Variants in DLC1 observed in about 807,000 individuals in gnomAD.
DLC1 encodes the protein rho GTPase-activating protein 7.
DLC1 carries 54 observed loss-of-function variants against 140.3 expected under a neutral mutation model. The ratio of observed to expected loss-of-function variants is 0.38; its 90% CI spans 0.31 to 0.48. The LOEUF is 0.48. DLC1 is among the 20% of genes least tolerant of loss of function. The pLI is 0.96. For synonymous variants in DLC1, 986 were observed against 728.1 expected (o/e 1.35, Z -5.70); for missense variants, 2,536 against 1,907.0 (o/e 1.33, Z -6.14).
At chr8:13,276,668 C>A (rs1362966121) in intron 5 of DLC1, 2 of 1,082,002 alleles carry the variant, frequency 1.8e-6, no homozygotes, top group Non-Finnish European at 1.1e-6. Flanking sequence ...GGAGGCGTCT[C>A]GCTTCCTGTG....
chr8:13,238,621 C>T (rs1352628486), intron 5 of DLC1, among the ~76,000 whole-genome samples: 1 of 152,134 alleles, frequency 6.6e-6, no homozygotes, highest in Non-Finnish European at 1.5e-5. Flanking sequence ...AAAAGGCCTC[C>T]CTTCCTTAAT....
chr8:13,568,165 C>T, intron 1 of DLC1: 5 of 531,188 alleles, frequency 9.4e-6, no homozygotes, highest in Non-Finnish European at 1.6e-5. Flanking sequence ...TAGTTTGGGC[C>T]AGGATGTTGA....
At chr8:13,260,552 A>C (rs1195924306) in intron 5 of DLC1, among the ~76,000 whole-genome samples, 1 of 152,112 alleles carries the variant, frequency 6.6e-6, no homozygotes, top group Non-Finnish European at 1.5e-5. Context: ...ATACCCATCT[A>C]CTGGAAAATG....
chr8:13,209,316 G>C (rs1016862679), intron 5 of DLC1, among the ~76,000 whole-genome samples: 1 of 151,964 alleles, frequency 6.6e-6, no homozygotes, highest in African/African-American at 2.4e-5. Context: ...TTCCAGTATT[G>C]CATATAATTT....
intron 1 of DLC1, among the ~76,000 whole-genome samples, chr8:13,563,175 C>G (rs1202235264): frequency 6.6e-6 from 1 of 152,114 alleles, no homozygotes; most frequent in Non-Finnish European, 1.5e-5. Flanking sequence ...CCTTTGAGGA[C>G]TACGTTAGCC....
intron 2 of DLC1, among the ~76,000 whole-genome samples, chr8:13,438,794 C>T (rs1272256486): frequency 6.6e-6 from 1 of 152,162 alleles, no homozygotes; most frequent in Non-Finnish European, 1.5e-5. Flanking sequence ...CGCCTCCTTT[C>T]CATGATTACT....
At chr8:13,114,097 C>G (rs117176622) in intron 6 of DLC1, among the ~76,000 whole-genome samples, 2,333 of 152,322 alleles carry the variant, frequency 0.015, 48 homozygotes, top group East Asian at 0.047. Flanking sequence ...CGTGGTTGCT[C>G]ATGTCTGTAA....
intron 1 of DLC1, among the ~76,000 whole-genome samples, chr8:13,552,891 T>C (rs1803913503): frequency 6.6e-6 from 1 of 151,934 alleles, no homozygotes; most frequent in Non-Finnish European, 1.5e-5. Flanking sequence ...AGAGCATTAA[T>C]ATGTATTTCA....
At chr8:13,394,682 T>C (rs774752085) in intron 3 of DLC1, among the ~76,000 whole-genome samples, 6 of 152,158 alleles carry the variant, frequency 3.9e-5, no homozygotes, top group Non-Finnish European at 8.8e-5. Flanking sequence ...GTGGTTCACA[T>C]GGTCAAATAT....
chr8:13,282,991 C>A (rs554598298), intron 5 of DLC1, among the ~76,000 whole-genome samples: 2 of 152,052 alleles, frequency 1.3e-5, no homozygotes, highest in Non-Finnish European at 2.9e-5. Context: ...TGGATTATAA[C>A]AATTATCAAC....
rs993286191 is a variant in DLC1, at chr8:13,477,798, C to T, written c.1023+21251G>A. On this transcript the variant is annotated intron_variant, in intron 2 of 17. Transcript: ENST00000276297. Reference sequence around the variant, plus strand: ...ATAGAGAAATCATATCCTAACCACCCAACCAATTTTCTTTAGTCATAACTA... The same window carrying T: ...ATAGAGAAATCATATCCTAACCACCTAACCAATTTTCTTTAGTCATAACTA... Among the ~76,000 whole-genome samples the T allele has an allele frequency of 2.0e-5, 3 of 151,920 alleles. No individual in the cohort carries two copies. The South Asian group carries it at 6.2e-4, about 32-fold the overall frequency.
chr8:13,561,956 T>G (rs1804258864), intron 1 of DLC1, among the ~76,000 whole-genome samples: 1 of 152,100 alleles, frequency 6.6e-6, no homozygotes, highest in Admixed American at 6.6e-5. Context: ...GATAATATGA[T>G]TATATATTTG....
chr8:13,420,538 C>G (rs1202274605), intron 2 of DLC1, among the ~76,000 whole-genome samples: 1 of 152,046 alleles, frequency 6.6e-6, no homozygotes, highest in Non-Finnish European at 1.5e-5. Context: ...AGGTATTTGT[C>G]CTAATGCTCT....
At chr8:13,364,344 G>A (rs1199161426) in intron 4 of DLC1, among the ~76,000 whole-genome samples, 2 of 149,668 alleles carry the variant, frequency 1.3e-5, no homozygotes, top group East Asian at 2.0e-4. Flanking sequence ...TGTTGCACAG[G>A]TTGGAGTGCA....
chr8:13,167,768 C>A (rs780544813), intron 5 of DLC1, among the ~76,000 whole-genome samples: 3 of 152,190 alleles, frequency 2.0e-5, no homozygotes, highest in Non-Finnish European at 2.9e-5. Context: ...TACAGTCTTG[C>A]AAATGGCATT....
chr8:13,140,476 G>A (rs1020207299), intron 5 of DLC1, among the ~76,000 whole-genome samples: 7 of 151,276 alleles, frequency 4.6e-5, no homozygotes, highest in African/African-American at 1.2e-4. Flanking sequence ...CAAGCGATTC[G>A]CCTGCCTCTG....
intron 1 of DLC1, chr8:13,558,616 C>T (rs1804137635): frequency 6.6e-6 from 1 of 152,148 alleles, no homozygotes; most frequent in South Asian, 2.1e-4. Context: ...GACACAAAAT[C>T]TAACCACAGT....
At chr8:13,184,494 T>C (rs780619596) in intron 5 of DLC1, among the ~76,000 whole-genome samples, 24 of 152,220 alleles carry the variant, frequency 1.6e-4, no homozygotes, top group Non-Finnish European at 3.4e-4. Context: ...TTCTGGTACA[T>C]TGTGTCTTTG....
intron 4 of DLC1, among the ~76,000 whole-genome samples, chr8:13,367,030 C>G (rs1835516632): frequency 6.6e-6 from 1 of 152,170 alleles, no homozygotes. Context: ...CTTTCCCTTT[C>G]CTCTCCATGT....
Sources: allele counts gnomAD v4.1 joint callset (sites outside exome capture counted in the v4.1 genomes callset), GRCh38; gene constraint gnomAD v4.1.1; transcripts MANE v1.5; gene names NCBI Gene and HGNC (gene_info 2026-07-23, HGNC 2026-07-21).